AP3B1: variants seen among roughly 807,000 people sequenced by gnomAD.
AP3B1 encodes AP-3 complex subunit beta-1.
In AP3B1, 61 loss-of-function variants were observed where a neutral mutation model predicts 132.5. The observed-to-expected ratio is 0.46, with a 90% CI of 0.37 to 0.57. The LOEUF (loss-of-function observed/expected upper bound fraction) is 0.57, where lower values mean the gene tolerates loss of function less well. Ranked by LOEUF, AP3B1 falls within the 20% of genes least tolerant of loss-of-function variation. The pLI, the probability that AP3B1 is intolerant of heterozygous loss-of-function variation, is 0.00. For synonymous variants in AP3B1, 388 were observed against 438.3 expected, an observed-to-expected ratio of 0.89 and a Z score of 1.43; for missense variants, 1,120 against 1,289.4, an observed-to-expected ratio of 0.87 and a Z score of 2.01.
intron 7 of AP3B1, among the ~76,000 whole-genome samples, chr5:78,193,770 A>ATATATATATATATTTTT: frequency 1.0e-4 from 7 of 67,206 alleles, no homozygotes; most frequent in African/African-American, 2.6e-4. Flanking sequence ...ATATATATAT[A>ATATATATATATATTTTT]TTTTTTTTTT....
At chr5:78,014,479 T>TA (rs1221142245) in intron 26 of AP3B1, among the ~76,000 whole-genome samples, 1 of 152,144 alleles carries the variant, frequency 6.6e-6, no homozygotes, top group Admixed American at 6.5e-5. Flanking sequence ...CCAAGCCCAT[T>TA]AGTGGCAGAG....
intron 22 of AP3B1, among the ~76,000 whole-genome samples, chr5:78,081,154 G>A (rs1435304822): frequency 6.6e-6 from 1 of 152,150 alleles, no homozygotes; most frequent in African/African-American, 2.4e-5. Context: ...AGAACAAGAT[G>A]AGAGATGGCT....
At position 78,039,090 on chromosome 5, in the gene AP3B1, T is replaced by G; in HGVS notation, c.2762A>C (p.Glu921Ala). ...TTTCATGCCTATAGGAAGTTTTTTT[T>G]CCCCTATGTGGATATTTTCTATCTT... Reference protein sequence around the residue: ...DRKIENIHIGEKKLPIGMKMH... With the variant: ...DRKIENIHIGAKKLPIGMKMH... Residue 921 changes from glutamate (E) to alanine (A), a missense_variant, in exon 23 of 27, where the codon GAA (glutamate) becomes GCA (alanine). Coordinates refer to ENST00000255194, the MANE Select transcript of AP3B1 (RefSeq NM_003664.5). 1 of 1,612,194 alleles carries G rather than the reference T, an allele frequency of 6.2e-7. No individual in the cohort carries two copies. Among genetic ancestry groups the G allele is most frequent in the Non-Finnish European group, 8.5e-7 (1 of 1,178,830 alleles).
chr5:78,192,887 G>A (rs528099028), intron 7 of AP3B1, among the ~76,000 whole-genome samples: 7 of 152,198 alleles, frequency 4.6e-5, no homozygotes, highest in East Asian at 3.9e-4. Context: ...CCTTGATCCC[G>A]TACTCCCAGT....
At chr5:78,188,530 A>G (rs1480390597) in intron 7 of AP3B1, among the ~76,000 whole-genome samples, 1 of 152,234 alleles carries the variant, frequency 6.6e-6, no homozygotes, top group Non-Finnish European at 1.5e-5. Context: ...CCACAATTAG[A>G]TATCATTTCA....
At chr5:78,049,270 G>A (rs1320435742) in intron 22 of AP3B1, among the ~76,000 whole-genome samples, 1 of 152,176 alleles carries the variant, frequency 6.6e-6, no homozygotes, top group Non-Finnish European at 1.5e-5. Flanking sequence ...AGGTGGTAAC[G>A]TGCAAGAATT....
At chr5:78,109,998 C>CA (rs1487097473) in intron 20 of AP3B1, among the ~76,000 whole-genome samples, 3 of 151,940 alleles carry the variant, frequency 2.0e-5, no homozygotes, top group African/African-American at 7.3e-5. Flanking sequence ...TAGCCAAGAA[C>CA]AAAAAAGGTC....
chr5:78,263,723 A>C (rs1365595857), intron 2 of AP3B1, among the ~76,000 whole-genome samples: 1 of 152,166 alleles, frequency 6.6e-6, no homozygotes, highest in Non-Finnish European at 1.5e-5. Flanking sequence ...AAATTTTGTC[A>C]AATCTTTCTC....
chr5:78,281,241 C>T (rs571277816), intron 1 of AP3B1, among the ~76,000 whole-genome samples: 1 of 152,208 alleles, frequency 6.6e-6, no homozygotes, highest in African/African-American at 2.4e-5. Context: ...TCGAGACCAT[C>T]CTGACCAACA....
chr5:78,175,666 T>C lies in AP3B1; in HGVS notation c.1127A>G (p.Tyr376Cys), dbSNP rs777524331. The part of the protein sequence containing the change: ...GMFEPYLKSF[Y>C]VRSTDPTMIK... ...CATAGTTGGATCAGTTGACCTAACATAGAAACTCTTCAGATAAGGTTCAAA... is the reference window on the plus strand; with the variant it reads ...CATAGTTGGATCAGTTGACCTAACACAGAAACTCTTCAGATAAGGTTCAAA... The change falls in exon 11 of 27, where the codon TAT (tyrosine) becomes TGT (cysteine). Residue 376 changes from tyrosine (Y) to cysteine (C), a missense_variant. This residue lies in a region of AP3B1 where 906 missense variants were observed against 997.1 expected (regional missense o/e 0.91). Coordinates refer to ENST00000255194, the MANE Select transcript of AP3B1 (RefSeq NM_003664.5). The C allele has an allele frequency of 1.8e-5, 29 of 1,613,554 alleles. No homozygotes were observed. Among genetic ancestry groups the C allele is most frequent in the Admixed American group, 3.3e-5 (2 of 60,016 alleles).
Position 78,162,932 on chromosome 5 carries a change from T to C in AP3B1, c.1250A>G (p.Asp417Gly), listed in dbSNP as rs1462012807. ...AATAGTGGCTGCTGCAAATTGTTTATCCTGGCTTTTCACATAGGTCTAAAA... is the reference window on the plus strand; with the variant it reads ...AATAGTGGCTGCTGCAAATTGTTTACCCTGGCTTTTCACATAGGTCTAAAA... ...REFQTYVKSQ[D>G]KQFAAATIQT... Residue 417 changes from aspartate to glycine, a missense_variant, in exon 13 of 27, where the codon GAT becomes GGT. Asp to Gly is a moderately conservative substitution (Grantham distance 94, BLOSUM62 -1). This residue lies in a region of AP3B1 where 906 missense variants were observed against 997.1 expected (regional missense o/e 0.91). Coordinates refer to ENST00000255194, the MANE Select transcript of AP3B1 (RefSeq NM_003664.5). 1 of 1,613,924 alleles carries C rather than the reference T, an allele frequency of 6.2e-7. No individual in the cohort carries two copies. The highest frequency in any genetic ancestry group is 1.7e-5 in the Admixed American group (1 of 60,022).
chr5:78,013,944 A>C (rs1746736754), intron 26 of AP3B1, among the ~76,000 whole-genome samples: 1 of 152,140 alleles, frequency 6.6e-6, no homozygotes, highest in African/African-American at 2.4e-5. Context: ...CGGGTGGATC[A>C]TGAGGTCAGG....
chr5:78,194,634 G>C (rs1745005125), intron 7 of AP3B1, among the ~76,000 whole-genome samples: 1 of 152,142 alleles, frequency 6.6e-6, no homozygotes, highest in Admixed American at 6.5e-5. Flanking sequence ...AACATGACTG[G>C]TTCTAGAGCT....
chr5:78,222,979 G>C (rs1384367619), intron 6 of AP3B1, among the ~76,000 whole-genome samples: 1 of 150,832 alleles, frequency 6.6e-6, no homozygotes, highest in East Asian at 1.9e-4. Context: ...TAAACAGATT[G>C]TGGAAATAGG....
At chr5:78,234,321 C>T (rs1746782360) in intron 3 of AP3B1, among the ~76,000 whole-genome samples, 1 of 152,068 alleles carries the variant, frequency 6.6e-6, no homozygotes, top group Non-Finnish European at 1.5e-5. Flanking sequence ...CACAAGAATA[C>T]AAATATAGGT....
At chr5:78,074,284 C>A (rs1014309027) in intron 22 of AP3B1, among the ~76,000 whole-genome samples, 1 of 151,882 alleles carries the variant, frequency 6.6e-6, no homozygotes, top group Non-Finnish European at 1.5e-5. Flanking sequence ...GGATGACATA[C>A]CTTAAGGTTT....
chr5:78,266,911 A>G (rs967487995), intron 2 of AP3B1, among the ~76,000 whole-genome samples: 1 of 152,182 alleles, frequency 6.6e-6, no homozygotes, highest in Non-Finnish European at 1.5e-5. Context: ...AAAATAAAAA[A>G]TTAAAATTAA....
At chr5:78,248,187 A>G (rs1747457115) in intron 2 of AP3B1, among the ~76,000 whole-genome samples, 1 of 152,170 alleles carries the variant, frequency 6.6e-6, no homozygotes, top group Non-Finnish European at 1.5e-5. Flanking sequence ...ACACTGTACC[A>G]GATCAAGAAA....
intron 26 of AP3B1, among the ~76,000 whole-genome samples, chr5:78,010,740 C>T (rs1250378548): frequency 6.6e-6 from 1 of 152,162 alleles, no homozygotes; most frequent in Non-Finnish European, 1.5e-5. Flanking sequence ...CTTGCCCTTT[C>T]ACCTTTGCAG....
Sources: allele counts gnomAD v4.1 joint callset (sites outside exome capture counted in the v4.1 genomes callset), GRCh38; gene constraint gnomAD v4.1.1; regional missense constraint gnomAD v4.1.1; transcripts MANE v1.5; gene names NCBI Gene and HGNC (gene_info 2026-07-23, HGNC 2026-07-21).